CDC42: variants seen among roughly 807,000 people sequenced by gnomAD.
CDC42 encodes the protein cell division cycle 42, also known as cell division control protein 42 homolog.
Under a neutral mutation model 20.8 loss-of-function variants are expected in CDC42, and 1 was observed. That is an observed-to-expected ratio of 0.05 (90% CI 0.02 to 0.23). CDC42 has a LOEUF of 0.23. Among genes scored for constraint, CDC42 ranks in the 10% least tolerant of loss-of-function variants. The pLI is 1.00. For missense variants in CDC42, 49 were observed against 227.9 expected, an observed-to-expected ratio of 0.21 and a Z score of 5.05; for synonymous variants, 72 against 84.8, an observed-to-expected ratio of 0.85 and a Z score of 0.83.
intron 1 of CDC42, among the ~76,000 whole-genome samples, chr1:22,054,879 G>GT (rs1448152491): frequency 4.1e-5 from 4 of 98,702 alleles, no homozygotes; most frequent in Non-Finnish European, 5.9e-5. Context: ...AGTAACAGTA[G>GT]TTTGAATTTA....
chr1:22,059,113 C>G (rs933086133), intron 1 of CDC42: 6 of 152,204 alleles, frequency 3.9e-5, no homozygotes, highest in African/African-American at 1.2e-4. Context: ...TTGTGAGCCT[C>G]TGCACCGGGC....
intron 1 of CDC42, among the ~76,000 whole-genome samples, chr1:22,076,101 G>A (rs1387747567): frequency 6.6e-6 from 1 of 152,136 alleles, no homozygotes; most frequent in Non-Finnish European, 1.5e-5. Context: ...CACTAGCACT[G>A]ATTATATTTG....
At chr1:22,064,654 A>G (rs1288474473) in intron 1 of CDC42, among the ~76,000 whole-genome samples, 4 of 151,120 alleles carry the variant, frequency 2.6e-5, no homozygotes, top group Non-Finnish European at 5.9e-5. Context: ...TGGAGTTTAG[A>G]ACACAGCCTG....
intron 2 of CDC42, chr1:22,079,018 CT>C: frequency 2.7e-6 from 1 of 371,212 alleles, no homozygotes; most frequent in Non-Finnish European, 4.5e-6. Context: ...GAGCTGTTCG[CT>C]TAGCAGTAAT....
intron 1 of CDC42, among the ~76,000 whole-genome samples, chr1:22,055,185 C>T (rs1054478516): frequency 1.3e-5 from 2 of 151,162 alleles, no homozygotes; most frequent in Non-Finnish European, 2.9e-5. Context: ...GATCTCCTGA[C>T]CTCGTGATCC....
At chr1:22,082,925 G>A (rs1339871341) in intron 3 of CDC42, among the ~76,000 whole-genome samples, 1 of 147,718 alleles carries the variant, frequency 6.8e-6, no homozygotes, top group Non-Finnish European at 1.5e-5. Flanking sequence ...TGTTGCCCAG[G>A]CTGGAGTGCA....
intron 1 of CDC42, among the ~76,000 whole-genome samples, chr1:22,075,923 A>G (rs1247754058): frequency 6.6e-6 from 1 of 151,902 alleles, no homozygotes; most frequent in Non-Finnish European, 1.5e-5. Flanking sequence ...GTAAATAGAA[A>G]GGGGAAGAAC....
chr1:22,078,913 G>C, intron 2 of CDC42: 1 of 1,167,196 alleles, frequency 8.6e-7, no homozygotes. Flanking sequence ...TTGATATTTT[G>C]GCCAATTATT....
rs372053785 is a variant in CDC42, at chr1:22,098,424, A to G, written c.*6907A>G. 6.6e-6 allele frequency among the ~76,000 whole-genome samples: 1 copy of G among 152,218 alleles called. No homozygotes were observed. Among genetic ancestry groups the G allele is most frequent in the East Asian group, 1.9e-4 (1 of 5,192 alleles). On this transcript the variant is annotated 3_prime_UTR_variant, in exon 6 of 6. Coordinates refer to ENST00000656825, the MANE Select transcript of CDC42 (RefSeq NM_001791.4). Reference sequence around the variant, plus strand: ...AATCTAATTTCTAAAAGATTCCCAGATAGAACTTTGTTGAGCTATGTTTAG... The same window carrying G: ...AATCTAATTTCTAAAAGATTCCCAGGTAGAACTTTGTTGAGCTATGTTTAG...
At position 22,095,379 on chromosome 1, in the gene CDC42, C is replaced by T. The variant is rs373285190; in HGVS notation, c.*3862C>T. On this transcript the variant is annotated 3_prime_UTR_variant, in exon 6 of 6. Transcript: ENST00000656825. ...CCGCCTCCCGGGTTCACACCATTCT[C>T]CTGCCTCAGCCTCCCGAGTAGCCAG... 6.6e-6 allele frequency among the ~76,000 whole-genome samples: 1 copy of T among 152,106 alleles called. No individual in the cohort carries two copies. Among genetic ancestry groups the T allele is most frequent in the Non-Finnish European group, 1.5e-5 (1 of 68,020 alleles).
chr1:22,078,685 C>T, intron 2 of CDC42, 102 bp downstream of exon 2: 1 of 1,520,698 alleles, frequency 6.6e-7, no homozygotes, highest in South Asian at 1.2e-5. Context: ...TGTTGTCTGC[C>T]TTTGTTTCCT....
chr1:22,081,215 CTT>C (rs745395512), intron 2 of CDC42, among the ~76,000 whole-genome samples: 2 of 152,118 alleles, frequency 1.3e-5, no homozygotes, highest in Non-Finnish European at 2.9e-5. Flanking sequence ...TTCTTGGACA[CTT>C]TGAGTACTTT....
At chr1:22,077,813 T>C (rs2124002950) in intron 1 of CDC42, among the ~76,000 whole-genome samples, 1 of 152,360 alleles carries the variant, frequency 6.6e-6, no homozygotes, top group East Asian at 1.9e-4. Flanking sequence ...TTTAGAGCAA[T>C]CTGACTTTTT....
At chr1:22,066,149 T>C (rs1466645589) in intron 1 of CDC42, among the ~76,000 whole-genome samples, 1 of 152,212 alleles carries the variant, frequency 6.6e-6, no homozygotes, top group Non-Finnish European at 1.5e-5. Flanking sequence ...AGTATTGTAT[T>C]GGCTGCATTG....
intron 3 of CDC42, among the ~76,000 whole-genome samples, chr1:22,084,293 G>A (rs974659484): frequency 7.1e-6 from 1 of 141,108 alleles, no homozygotes; most frequent in African/African-American, 2.6e-5. Flanking sequence ...CAGTACGTGG[G>A]GTTTGATATA....
intron 1 of CDC42, among the ~76,000 whole-genome samples, chr1:22,071,157 C>T (rs1645487675): frequency 6.7e-6 from 1 of 149,628 alleles, no homozygotes; most frequent in South Asian, 2.1e-4. Context: ...CATTCTCCTG[C>T]CTCAGCCTCC....
intron 3 of CDC42, among the ~76,000 whole-genome samples, chr1:22,082,841 TCTG>T (rs1645621996): frequency 6.6e-6 from 1 of 152,084 alleles, no homozygotes. Flanking sequence ...GGGGTTTTCT[TCTG>T]TGTTCATTTG....
Position 22,058,851 on chromosome 1 carries a change from A to G in CDC42, c.-51+6109A>G, listed in dbSNP as rs144889291. 1.6e-3 allele frequency among the ~76,000 whole-genome samples: 246 copies of G among 151,844 alleles called. 1 individual carries two copies. Among genetic ancestry groups the G allele is most frequent in the Middle Eastern group, 6.8e-3 (2 of 294 alleles). ...TATTTTTTAGAGATAGAGTCTTGCT[A>G]TGTCACCAGGCTGCAGTGCGTGGTG... On this transcript the variant is annotated intron_variant, in intron 1 of 5. Coordinates refer to ENST00000656825, the MANE Select transcript of CDC42 (RefSeq NM_001791.4).
At chr1:22,066,521 A>G (rs1645425401) in intron 1 of CDC42, among the ~76,000 whole-genome samples, 5 of 152,208 alleles carry the variant, frequency 3.3e-5, no homozygotes, top group Admixed American at 2.0e-4. Flanking sequence ...TATTACCTTT[A>G]TGGAGATTTC....
Sources: gnomAD v4.1 joint callset for allele counts (sites outside exome capture counted in the v4.1 genomes callset) on GRCh38, gnomAD v4.1.1 for gene constraint, MANE v1.5 for transcripts, NCBI Gene and HGNC (gene_info 2026-07-23, HGNC 2026-07-21) for gene names.